Variants in CARMIL1 observed in about 807,000 individuals in gnomAD.
CARMIL1 encodes the protein capping protein regulator and myosin 1 linker 1.
A neutral mutation model predicts 177.1 loss-of-function variants in CARMIL1; 90 were observed. The ratio of observed to expected loss-of-function variants is 0.51; its 90% CI spans 0.43 to 0.61. The LOEUF is 0.61. CARMIL1 is among the 20% of genes least tolerant of loss of function. The pLI, the probability that CARMIL1 is intolerant of heterozygous loss-of-function variation, is 0.00. For synonymous variants in CARMIL1, 577 were observed against 606.2 expected (o/e 0.95, Z 0.71); for missense variants, 1,380 against 1,667.0 (o/e 0.83, Z 3.00).
At chr6:25,498,686 T>G (rs373414675) in intron 16 of CARMIL1, among the ~76,000 whole-genome samples, 2 of 152,170 alleles carry the variant, frequency 1.3e-5, no homozygotes, top group East Asian at 3.8e-4. Context: ...CTCATTTTAC[T>G]GACAAGAACT....
intron 3 of CARMIL1, among the ~76,000 whole-genome samples, chr6:25,424,166 A>T (rs1189190498): frequency 1.3e-5 from 2 of 152,182 alleles, no homozygotes; most frequent in Non-Finnish European, 2.9e-5. Flanking sequence ...ATACTGCAGG[A>T]TCTGCTCCTT....
chr6:25,556,799 A>G lies in CARMIL1; in HGVS notation c.2691A>G (p.Thr897=). The G allele has an allele frequency of 2.5e-6, 4 of 1,613,552 alleles. No homozygotes were observed. The highest frequency in any genetic ancestry group is 3.4e-6 in the Non-Finnish European group (4 of 1,179,662). ...EEKPVKRSII[T]VEELTEIERL... ...AGCCAGTTAAACGTTCCATCATCACAGTGGAGGAGCTAACAGAGATAGAGC... is the reference window on the plus strand; with the variant it reads ...AGCCAGTTAAACGTTCCATCATCACGGTGGAGGAGCTAACAGAGATAGAGC... The change falls in exon 29 of 37, where the codon ACA becomes ACG. Residue 897 remains threonine (T), a synonymous_variant. Transcript: ENST00000329474.
At chr6:25,441,025 C>G (rs1199704336) in intron 5 of CARMIL1, among the ~76,000 whole-genome samples, 1 of 151,992 alleles carries the variant, frequency 6.6e-6, no homozygotes, top group Non-Finnish European at 1.5e-5. Context: ...ATAAATGAAC[C>G]TATACCTCCA....
chr6:25,385,410 T>C lies in CARMIL1; in HGVS notation c.139-34704T>C, dbSNP rs1483968497. On this transcript the variant is annotated intron_variant, in intron 2 of 36. Coordinates refer to ENST00000329474, the MANE Select transcript of CARMIL1 (RefSeq NM_017640.6). ...GAATCCCTCTGGTGGCTCTGTGCAA[T>C]GTGGTTTTCAGGGAGTGAGGACTGG... Among the ~76,000 whole-genome samples, 3 of 152,172 alleles carry C rather than the reference T, an allele frequency of 2.0e-5. No homozygotes were observed. The East Asian group carries it at 5.8e-4, about 29-fold the overall frequency.
intron 8 of CARMIL1, among the ~76,000 whole-genome samples, chr6:25,455,143 C>A (rs1034100041): frequency 6.6e-6 from 1 of 152,130 alleles, no homozygotes; most frequent in African/African-American, 2.4e-5. Context: ...CAGATACAAG[C>A]AAGCAACCTT....
intron 8 of CARMIL1, among the ~76,000 whole-genome samples, chr6:25,455,336 C>T (rs1189714682): frequency 6.6e-6 from 1 of 152,120 alleles, no homozygotes; most frequent in African/African-American, 2.4e-5. Context: ...TATATTTAGT[C>T]TTCATACTTA....
intron 29 of CARMIL1, among the ~76,000 whole-genome samples, chr6:25,566,815 T>G (rs1811593850): frequency 6.6e-6 from 1 of 152,246 alleles, no homozygotes. Flanking sequence ...GATTTCTATA[T>G]AGCTAATGCC....
At chr6:25,619,354 A>C in intron 36 of CARMIL1, 93 bp from the exon 37 acceptor site, 5 of 1,333,852 alleles carry the variant, frequency 3.7e-6, no homozygotes, top group East Asian at 2.5e-5. Flanking sequence ...CCCCTCCCCC[A>C]AACCTTCAAG....
intron 20 of CARMIL1, among the ~76,000 whole-genome samples, chr6:25,514,922 C>T (rs55728843): frequency 0.071 from 9,488 of 134,570 alleles, 381 homozygotes; most frequent in Non-Finnish European, 0.1. Context: ...AGAGCGAGAC[C>T]CTGTCTCAAA....
chr6:25,414,778 CA>C (rs1795225293), intron 2 of CARMIL1, among the ~76,000 whole-genome samples: 1 of 152,182 alleles, frequency 6.6e-6, no homozygotes, highest in East Asian at 1.9e-4. Flanking sequence ...CATCCCCTTC[CA>C]CATTTTCTGT....
chr6:25,463,136 T>C (rs9467521), intron 8 of CARMIL1, among the ~76,000 whole-genome samples: 16,556 of 152,202 alleles, frequency 0.11, 1,041 homozygotes, highest in East Asian at 0.18. Context: ...TGAATATGAA[T>C]CATAGAACAA....
chr6:25,375,688 ATTC>A (rs1355450463), intron 2 of CARMIL1, among the ~76,000 whole-genome samples: 7 of 151,978 alleles, frequency 4.6e-5, no homozygotes, highest in Admixed American at 6.6e-5. Context: ...ATTTCTTTTA[ATTC>A]TTCTTTATTT....
At chr6:25,409,232 A>G (rs1461005046) in intron 2 of CARMIL1, among the ~76,000 whole-genome samples, 1 of 152,218 alleles carries the variant, frequency 6.6e-6, no homozygotes, top group Non-Finnish European at 1.5e-5. Flanking sequence ...TGAGACCAGG[A>G]GACTGGGCTT....
intron 1 of CARMIL1, among the ~76,000 whole-genome samples, chr6:25,281,118 ACGCGCGTGTGCGCGCG>A (rs745605524): frequency 5.0e-5 from 4 of 80,600 alleles, no homozygotes; most frequent in Non-Finnish European, 1.1e-4. Context: ...TCACAGACGC[ACGCGCGTGTGCGCGCG>A]CGCACACACA....
chr6:25,384,390 C>T (rs1434977457), intron 2 of CARMIL1, among the ~76,000 whole-genome samples: 1 of 152,244 alleles, frequency 6.6e-6, no homozygotes, highest in South Asian at 2.1e-4. Context: ...AATTAAGACA[C>T]AAACCAAAAA....
At chr6:25,550,506 A>G (rs927722389) in intron 26 of CARMIL1, among the ~76,000 whole-genome samples, 2 of 152,218 alleles carry the variant, frequency 1.3e-5, no homozygotes, top group Non-Finnish European at 2.9e-5. Context: ...GCATTCAAAT[A>G]TGATATATTT....
At chr6:25,349,335 C>G (rs1211224633) in intron 2 of CARMIL1, among the ~76,000 whole-genome samples, 4 of 152,196 alleles carry the variant, frequency 2.6e-5, no homozygotes, top group African/African-American at 9.7e-5. Context: ...AACTCTACAC[C>G]AGACAGTGGT....
At position 25,290,369 on chromosome 6, in the gene CARMIL1, CTTTTTTTTTT is replaced by C. The variant is rs910242856; in HGVS notation, c.138+5474_138+5483del. 1.7e-4 allele frequency among the ~76,000 whole-genome samples: 16 copies of C among 95,360 alleles called. No individual in the cohort carries two copies. The South Asian group carries it at 1.9e-3, about 11-fold the overall frequency. The allele number at this position is 95,360 out of a possible 152,430, so 62.6% of individuals were successfully genotyped here. A position where few individuals can be genotyped will look rare whatever the true frequency, so the allele number is the denominator to read the frequency against. On this transcript the variant is annotated intron_variant, in intron 2 of 36. Coordinates refer to ENST00000329474, the MANE Select transcript of CARMIL1 (RefSeq NM_017640.6). The stretch of plus-strand genomic sequence containing the variant: ...CTTGGCCTCCCAAAGTGCTGGGATT[CTTTTTTTTTT>C]TTTTTTTTTTTTTGAGAACTAAGTT...
At chr6:25,425,272 A>G (rs1042269209) in intron 3 of CARMIL1, among the ~76,000 whole-genome samples, 1 of 152,164 alleles carries the variant, frequency 6.6e-6, no homozygotes, top group Non-Finnish European at 1.5e-5. Flanking sequence ...TTCTCTTTCT[A>G]CTTCCAGAGC....
Sources: gnomAD v4.1 joint callset for allele counts (sites outside exome capture counted in the v4.1 genomes callset) on GRCh38, gnomAD v4.1.1 for gene constraint, MANE v1.5 for transcripts, NCBI Gene and HGNC (gene_info 2026-07-23, HGNC 2026-07-21) for gene names.